The following ATP11A variants were observed in gnomAD, a reference collection of about 807,000 sequenced individuals.
ATP11A encodes the protein ATPase phospholipid transporting 11A.
In ATP11A, 81 loss-of-function variants were observed where a neutral mutation model predicts 154.4. The observed-to-expected ratio is 0.52, with a 90% confidence interval of 0.44 to 0.63. The LOEUF (loss-of-function observed/expected upper bound fraction) is 0.63, where lower values mean the gene tolerates loss of function less well. Among genes scored for constraint, ATP11A ranks in the 30% least tolerant of loss-of-function variants. The probability of loss-of-function intolerance (pLI) is 0.00; values close to 1 mark genes in which losing one functional copy is unlikely to be tolerated. For synonymous variants in ATP11A, 623 were observed against 585.9 expected, an observed-to-expected ratio of 1.06 and a Z score of -0.91; for missense variants, 1,316 against 1,474.3, an observed-to-expected ratio of 0.89 and a Z score of 1.76.
intron 25 of ATP11A, among the ~76,000 whole-genome samples, chr13:112,865,720 T>C (rs1362142243): frequency 6.6e-6 from 1 of 152,188 alleles, no homozygotes; most frequent in Non-Finnish European, 1.5e-5. Flanking sequence ...TGGCTGACTT[T>C]TTGAATTTTT....
At chr13:112,789,247 C>T (rs544968911) in intron 2 of ATP11A, among the ~76,000 whole-genome samples, 20 of 149,820 alleles carry the variant, frequency 1.3e-4, no homozygotes, top group South Asian at 2.1e-4. Context: ...TAATCCACAC[C>T]GGGTGTCCTG....
intron 1 of ATP11A, among the ~76,000 whole-genome samples, chr13:112,718,705 T>C (rs1414461850): frequency 6.7e-6 from 1 of 150,322 alleles, no homozygotes; most frequent in Admixed American, 6.7e-5. Flanking sequence ...AGTTTCATTC[T>C]TGTCACCCAG....
At chr13:112,820,218 G>C (rs1170622947) in intron 8 of ATP11A, among the ~76,000 whole-genome samples, 2 of 152,196 alleles carry the variant, frequency 1.3e-5, no homozygotes, top group Non-Finnish European at 2.9e-5. Context: ...GAGGCGTCAG[G>C]GTCCCGTGGA....
intron 5 of ATP11A, among the ~76,000 whole-genome samples, chr13:112,812,692 G>A (rs531285454): frequency 1.3e-5 from 2 of 152,356 alleles, no homozygotes; most frequent in Non-Finnish European, 2.9e-5. Flanking sequence ...GTCACCAAAT[G>A]TACTTTTAAG....
At chr13:112,836,123 T>C (rs1310591429) in intron 15 of ATP11A, 55 bp from the exon 16 acceptor site, 3 of 1,319,242 alleles carry the variant, frequency 2.3e-6, no homozygotes, top group Non-Finnish European at 3.3e-6. Flanking sequence ...AGTTACCAGA[T>C]GGAATCACGT....
At position 112,706,219 on chromosome 13, in the gene ATP11A, A is replaced by G. The variant is rs114483513; in HGVS notation, c.39+15764A>G. On this transcript the variant is annotated intron_variant, in intron 1 of 29. Transcript: ENST00000375645. The stretch of plus-strand genomic sequence containing the variant: ...CTTTTAAATAATTGGCCATAGTAAA[A>G]GGTAAAAAGGTAAAAACTTGAATGT... Among the ~76,000 whole-genome samples the G allele has an allele frequency of 6.9e-3, 1,048 of 152,294 alleles. 7 individuals carry two copies. Among genetic ancestry groups the G allele is most frequent in the African/African-American group, 0.024 (999 of 41,544 alleles).
intron 1 of ATP11A, among the ~76,000 whole-genome samples, chr13:112,743,244 C>T (rs1891739325): frequency 6.6e-6 from 1 of 152,212 alleles, no homozygotes; most frequent in Non-Finnish European, 1.5e-5. Flanking sequence ...AAAAATATGG[C>T]TGTATTCAAT....
intron 4 of ATP11A, among the ~76,000 whole-genome samples, chr13:112,806,973 C>T (rs929228343): frequency 2.6e-5 from 4 of 152,226 alleles, no homozygotes; most frequent in African/African-American, 7.2e-5. Context: ...CGCTTCATTC[C>T]GTCTGATGAA....
intron 10 of ATP11A, 71 bp downstream of exon 10, chr13:112,824,496 T>G: frequency 6.9e-7 from 1 of 1,442,336 alleles, no homozygotes; most frequent in East Asian, 2.3e-5. Context: ...GGAAGTAGCT[T>G]CCTCTTGGCC....
chr13:112,880,029 T>C (rs2080838986), intron 29 of ATP11A, among the ~76,000 whole-genome samples: 1 of 152,214 alleles, frequency 6.6e-6, no homozygotes. Flanking sequence ...AGACGTGCAA[T>C]TGTGCAATTC....
At chr13:112,867,446 GCGCCA>G (rs1318925528) in intron 25 of ATP11A, among the ~76,000 whole-genome samples, 2 of 152,248 alleles carry the variant, frequency 1.3e-5, no homozygotes, top group African/African-American at 4.8e-5. Context: ...AAGGACACGG[GCGCCA>G]CTGTCCTAGG....
At chr13:112,852,990 GCAGGAGGATTGATTAAGGC>G (rs1257979567) in intron 18 of ATP11A, among the ~76,000 whole-genome samples, 2 of 152,204 alleles carry the variant, frequency 1.3e-5, no homozygotes, top group East Asian at 3.9e-4. Context: ...GGAGGCTGAT[GCAGGAGGATTGATTAAGGC>G]CAGGAGTTTG....
At chr13:112,812,482 C>T (rs971516341) in intron 5 of ATP11A, among the ~76,000 whole-genome samples, 2 of 152,158 alleles carry the variant, frequency 1.3e-5, no homozygotes, top group African/African-American at 2.4e-5. Flanking sequence ...GAGCCAGGTG[C>T]GTTCCAGAAG....
chr13:112,796,816 C>G (rs1193367600), intron 2 of ATP11A, among the ~76,000 whole-genome samples: 1 of 151,770 alleles, frequency 6.6e-6, no homozygotes, highest in South Asian at 2.1e-4. Context: ...CCTGCCCTAG[C>G]CACATCGGGG....
intron 1 of ATP11A, among the ~76,000 whole-genome samples, chr13:112,741,505 T>C (rs1756076): frequency 0.23 from 35,241 of 152,072 alleles, 5,305 homozygotes; most frequent in African/African-American, 0.43. Flanking sequence ...CCAGCACCAT[T>C]ACCCTGGCCT....
At chr13:112,793,223 GAC>G (rs2077906780) in intron 2 of ATP11A, among the ~76,000 whole-genome samples, 1 of 152,100 alleles carries the variant, frequency 6.6e-6, no homozygotes, top group Non-Finnish European at 1.5e-5. Context: ...TCATTTTTGA[GAC>G]AGAGTCTCTC....
intron 1 of ATP11A, among the ~76,000 whole-genome samples, chr13:112,749,310 ACTT>A (rs774151672): frequency 3.9e-5 from 6 of 152,178 alleles, no homozygotes; most frequent in Non-Finnish European, 8.8e-5. Context: ...GAAATTAAGA[ACTT>A]CTGCCACGCT....
At chr13:112,812,195 C>T (rs1296487077) in intron 5 of ATP11A, 1 of 152,154 alleles carries the variant, frequency 6.6e-6, no homozygotes, top group South Asian at 2.1e-4. Flanking sequence ...TTTGGAAGCA[C>T]CTTTATAGGT....
intron 1 of ATP11A, among the ~76,000 whole-genome samples, chr13:112,761,781 G>A (rs1452033143): frequency 6.6e-6 from 1 of 152,230 alleles, no homozygotes; most frequent in East Asian, 1.9e-4. Flanking sequence ...GCACACCTTA[G>A]TCTGTCACTT....
Sources: gnomAD v4.1 joint callset for allele counts (sites outside exome capture counted in the v4.1 genomes callset) on GRCh38, gnomAD v4.1.1 for gene constraint, MANE v1.5 for transcripts, NCBI Gene and HGNC (gene_info 2026-07-23, HGNC 2026-07-21) for gene names.